Variants in MTOR observed in about 807,000 individuals in gnomAD.
MTOR encodes mechanistic target of rapamycin kinase.
In MTOR, 70 loss-of-function variants were observed where a neutral mutation model predicts 319.8. The ratio of observed to expected loss-of-function variants is 0.22; its 90% confidence interval spans 0.18 to 0.27. The LOEUF (loss-of-function observed/expected upper bound fraction) is 0.27. Ranked by LOEUF, MTOR falls within the 10% of genes least tolerant of loss-of-function variation. The probability of loss-of-function intolerance (pLI) is 1.00; values close to 1 mark genes in which losing one functional copy is unlikely to be tolerated. For synonymous variants in MTOR, 1,183 were observed against 1,211.4 expected, an observed-to-expected ratio of 0.98 and a Z score of 0.49; for missense variants, 1,890 against 3,274.4, an observed-to-expected ratio of 0.58 and a Z score of 10.32.
Position 11,128,682 on chromosome 1 carries a change from T to C in MTOR, c.5812-130A>G, listed in dbSNP as rs1371638664. 1.8e-6 allele frequency: 2 copies of C among 1,106,676 alleles called. No individual in the cohort carries two copies. Among genetic ancestry groups the C allele is most frequent in the Non-Finnish European group, 2.6e-6 (2 of 760,700 alleles). 68.6% of individuals were successfully genotyped at this position (1,106,676 alleles called of 1,614,324 possible). A position where few individuals can be genotyped will look rare whatever the true frequency, so the allele number is the denominator to read the frequency against. ...AAATGGTTCATTCCCTTCCCTTTAG[T>C]TTCTAAAAGAAAATAAAGAAAATAT... On this transcript the variant is annotated intron_variant, in intron 41 of 57. Transcript: ENST00000361445. This position sits in a 1 kb window ranked among gnomAD's most constrained non-coding sequence, Gnocchi z 5.3.
At chr1:11,140,320 C>T (rs1403573149) in intron 34 of MTOR, among the ~76,000 whole-genome samples, 4 of 95,742 alleles carry the variant, frequency 4.2e-5, no homozygotes, top group Non-Finnish European at 6.1e-5. Flanking sequence ...GGGTGGGGGG[C>T]GGGGGGATGG....
rs1349787033 is a variant in MTOR, at chr1:11,144,683, C to G, written c.4837G>C (p.Glu1613Gln). 11 of 1,614,174 alleles carry G rather than the reference C, an allele frequency of 6.8e-6. No individual in the cohort carries two copies. Among genetic ancestry groups the G allele is most frequent in the Non-Finnish European group, 8.5e-6 (10 of 1,180,032 alleles). Residue 1613 changes from glutamate (E) to glutamine (Q), a missense_variant, in exon 34 of 58, where the codon GAG becomes CAG. Around this residue, in one of 15 missense-constraint regions of MTOR, gnomAD observed 276 missense variants for 459.4 expected, o/e 0.60. Transcript: ENST00000361445. Reference sequence around the variant, plus strand: ...TCCCACCAGATCTGGCGGATGATCTCTCGTCGCTCGGGGACAAGTTTGTAC... The same window carrying G: ...TCCCACCAGATCTGGCGGATGATCTGTCGTCGCTCGGGGACAAGTTTGTAC... ...IQYKLVPERR[E>Q]IIRQIWWERL...
intron 10 of MTOR, 45 bp downstream of exon 10, chr1:11,241,508 A>C: frequency 6.4e-7 from 1 of 1,572,724 alleles, no homozygotes; most frequent in Non-Finnish European, 8.6e-7. Context: ...ACTGGGGGCC[A>C]AGCCTCACGC....
At chr1:11,195,153 A>T in intron 28 of MTOR, 2 of 1,043,416 alleles carry the variant, frequency 1.9e-6, no homozygotes, top group South Asian at 3.4e-5. Flanking sequence ...CAAAGAAAGA[A>T]TAAGTCTCCA....
At chr1:11,231,093 C>A (rs2100866687) in intron 17 of MTOR, 39 bp from the exon 18 acceptor site, 1 of 1,613,930 alleles carries the variant, frequency 6.2e-7, no homozygotes, top group Non-Finnish European at 8.5e-7. Context: ...AAACATTCAT[C>A]ACAACATGAT....
chr1:11,181,166 A>C (rs1335848910), intron 28 of MTOR, among the ~76,000 whole-genome samples: 2 of 152,196 alleles, frequency 1.3e-5, no homozygotes, highest in Non-Finnish European at 2.9e-5. Context: ...TGCAGGTTGA[A>C]GTAATCAGAC....
intron 19 of MTOR, among the ~76,000 whole-genome samples, chr1:11,225,422 CTTTTT>C (rs201304113): frequency 2.9e-5 from 4 of 137,070 alleles, no homozygotes; most frequent in Admixed American, 7.3e-5. Flanking sequence ...AAAATTGGTT[CTTTTT>C]TTTTTTTTTT....
intron 19 of MTOR, chr1:11,226,500 A>G (rs1390236237): frequency 6.6e-6 from 1 of 152,202 alleles, no homozygotes; most frequent in Non-Finnish European, 1.5e-5. Context: ...TCTAATTAAC[A>G]TGGAAGTAGG....
intron 28 of MTOR, among the ~76,000 whole-genome samples, chr1:11,191,733 TG>T (rs1002125206): frequency 1.3e-5 from 2 of 152,160 alleles, no homozygotes; most frequent in African/African-American, 4.8e-5. Flanking sequence ...AGGTGCTAGC[TG>T]GATGGAAGGG....
chr1:11,238,532 G>A lies in MTOR; in HGVS notation c.1872C>T (p.Arg624=). ...EHKEIRMEAA[R]TCSRLLTPSI... is the part of the protein sequence containing the mutation. ...AGGGTGTGAGCAGGCGGGAGCAGGT[G>A]CGGGCAGCCTCCATGCGGATCTCCT... is the stretch of plus-strand genomic sequence containing the variant. The change falls in exon 12 of 58, where the codon CGC becomes CGT. Residue 624 remains arginine, a synonymous_variant. Transcript: ENST00000361445. 6.2e-7 allele frequency: 1 copy of A among 1,614,234 alleles called. No individual in the cohort carries two copies. Among genetic ancestry groups the A allele is most frequent in the Non-Finnish European group, 8.5e-7 (1 of 1,180,042 alleles).
chr1:11,197,739 C>T (rs765331366), intron 28 of MTOR, among the ~76,000 whole-genome samples: 1 of 152,160 alleles, frequency 6.6e-6, no homozygotes, highest in South Asian at 2.1e-4. Flanking sequence ...ATGGGTGTTT[C>T]ACCATGTTGG....
Position 11,106,610 on chromosome 1 carries a change from C to T in MTOR, c.*875G>A, listed in dbSNP as rs1206298760. The T allele has an allele frequency of 9.2e-7, 1 of 1,087,914 alleles. No homozygotes were observed. Among genetic ancestry groups the T allele is most frequent in the African/African-American group, 1.6e-5 (1 of 61,648 alleles). The allele number at this position is 1,087,914 out of a possible 1,614,324, so 67.4% of individuals were successfully genotyped here. A position where few individuals can be genotyped will look rare whatever the true frequency, so the allele number is the denominator to read the frequency against. ...AACATGGTGTCTAGACATGGCTACA[C>T]TTTATACTTTGTGCATTTAGTTGAG... On this transcript the variant is annotated 3_prime_UTR_variant, in exon 58 of 58. Transcript: ENST00000361445.
chr1:11,183,778 C>T lies in MTOR; in HGVS notation c.4253+15480G>A, dbSNP rs182044887. 5.7e-4 allele frequency among the ~76,000 whole-genome samples: 87 copies of T among 151,842 alleles called. No individual in the cohort carries two copies. The South Asian group carries it at 8.3e-3, about 15-fold the overall frequency. Reference sequence around the variant, plus strand: ...AGCTTTTGTGTGTGGTGTGAGGTAACGATCAACAGTCTTTTCTTTCAGAAA... The same window carrying T: ...AGCTTTTGTGTGTGGTGTGAGGTAATGATCAACAGTCTTTTCTTTCAGAAA... On this transcript the variant is annotated intron_variant, in intron 28 of 57. Coordinates refer to ENST00000361445, the MANE Select transcript of MTOR (RefSeq NM_004958.4).
intron 18 of MTOR, 140 bp downstream of exon 18, chr1:11,230,785 T>C: frequency 3.5e-6 from 4 of 1,142,242 alleles, no homozygotes; most frequent in Non-Finnish European, 3.8e-6. Flanking sequence ...AAGAAACTAC[T>C]GACTTTTCAT....
At chr1:11,132,245 T>C (rs1049809368) in intron 38 of MTOR, 1 of 152,208 alleles carries the variant, frequency 6.6e-6, no homozygotes, top group Non-Finnish European at 1.5e-5. Context: ...AAGCTTCCAG[T>C]TAATAGTGTT....
chr1:11,139,124 C>A, intron 36 of MTOR, 180 bp downstream of exon 36: 1 of 750,872 alleles, frequency 1.3e-6, no homozygotes, highest in African/African-American at 1.7e-5. Flanking sequence ...ACCATCTCCT[C>A]AACTATGATT....
Position 11,238,337 on chromosome 1 carries a change from T to A in MTOR, c.2002+65A>T, listed in dbSNP as rs574275408. ...CTCTAGAGAGGCCATGTAATGAAAC[T>A]GGCTACTCCCAATTGTCCTAAGCTC... On this transcript the variant is annotated intron_variant, in intron 12 of 57. Transcript: ENST00000361445. The A allele has an allele frequency of 3.7e-5, 56 of 1,517,512 alleles. No homozygotes were observed. In the African/African-American group the frequency reaches 7.1e-4, roughly 19 times the overall value. The allele number at this position is 1,517,512 out of a possible 1,614,324, so 94.0% of individuals were successfully genotyped here. A position where few individuals can be genotyped will look rare whatever the true frequency, so the allele number is the denominator to read the frequency against.
chr1:11,222,574 A>G (rs1646704658), intron 19 of MTOR, among the ~76,000 whole-genome samples: 1 of 151,882 alleles, frequency 6.6e-6, no homozygotes, highest in Non-Finnish European at 1.5e-5. Flanking sequence ...CCTGGGCTCA[A>G]GCAATCCTCT....
At chr1:11,122,667 C>T (rs910468809) in intron 47 of MTOR, among the ~76,000 whole-genome samples, 6 of 151,894 alleles carry the variant, frequency 4.0e-5, no homozygotes, top group African/African-American at 1.5e-4. Flanking sequence ...AACACCACAC[C>T]CGGCTAATTT....
Sources: allele counts gnomAD v4.1 joint callset (sites outside exome capture counted in the v4.1 genomes callset), GRCh38; gene constraint gnomAD v4.1.1; regional missense constraint gnomAD v4.1.1; non-coding constraint Gnocchi (gnomAD v3.1); transcripts MANE v1.5; gene names NCBI Gene and HGNC (gene_info 2026-07-23, HGNC 2026-07-21).